The following NDUFAF2 variants were observed in gnomAD, a reference collection of about 807,000 sequenced individuals.
NDUFAF2 encodes the protein NADH:ubiquinone oxidoreductase complex assembly factor 2.
Under a neutral mutation model 22.8 loss-of-function variants are expected in NDUFAF2, and 13 were observed. The ratio of observed to expected loss-of-function variants is 0.57; its 90% CI spans 0.37 to 0.91. NDUFAF2 has a LOEUF of 0.91. Among genes scored for constraint, NDUFAF2 ranks in the 40% least tolerant of loss-of-function variants. The pLI is 0.01. For synonymous variants in NDUFAF2, 53 were observed against 64.2 expected (o/e 0.83, Z 0.84); for missense variants, 162 against 195.2 (o/e 0.83, Z 1.01).
At chr5:60,982,184 A>T (rs1326976376) in intron 1 of NDUFAF2, among the ~76,000 whole-genome samples, 2 of 152,200 alleles carry the variant, frequency 1.3e-5, no homozygotes, top group Admixed American at 6.5e-5. Flanking sequence ...ATCACTGATT[A>T]TATTAGTCTG....
chr5:60,980,314 G>A (rs1303533018), intron 1 of NDUFAF2, among the ~76,000 whole-genome samples: 1 of 152,128 alleles, frequency 6.6e-6, no homozygotes, highest in Non-Finnish European at 1.5e-5. Flanking sequence ...ACTAAATAAA[G>A]CACCAGTGAC....
At chr5:61,050,406 C>T (rs1752010879) in intron 1 of NDUFAF2, 1 of 152,096 alleles carries the variant, frequency 6.6e-6, no homozygotes, top group Non-Finnish European at 1.5e-5. Flanking sequence ...AATTTGAATA[C>T]TGTGCTGACT....
In NDUFAF2 at chr5:60,999,986, T is replaced by G. The variant is rs1561538493; in HGVS notation, c.127+54604T>G. ...AGAATTCCAGATTGAGAGAAATTTTTTTTGGTCTGGAATTTGCATAATGAC... is the reference window on the plus strand; with the variant it reads ...AGAATTCCAGATTGAGAGAAATTTTGTTTGGTCTGGAATTTGCATAATGAC... On this transcript the variant is annotated intron_variant, in intron 1 of 3. Coordinates refer to ENST00000296597, the MANE Select transcript of NDUFAF2 (RefSeq NM_174889.5). 2.0e-5 allele frequency among the ~76,000 whole-genome samples: 3 copies of G among 152,058 alleles called. No individual in the cohort carries two copies. In the South Asian group the frequency reaches 6.2e-4, roughly 31 times the overall value.
chr5:60,958,976 A>G (rs1315351314), intron 1 of NDUFAF2, among the ~76,000 whole-genome samples: 1 of 152,144 alleles, frequency 6.6e-6, no homozygotes, highest in Non-Finnish European at 1.5e-5. Flanking sequence ...AAGGATGAAT[A>G]TATCAAAACC....
At chr5:60,984,446 T>C (rs531513955) in intron 1 of NDUFAF2, among the ~76,000 whole-genome samples, 2 of 151,998 alleles carry the variant, frequency 1.3e-5, no homozygotes, top group South Asian at 2.1e-4. Context: ...TGAATAGGAG[T>C]GGTGAGAGAG....
In NDUFAF2 at chr5:60,950,779, C is replaced by G. The variant is rs182352969; in HGVS notation, c.127+5397C>G. Among the ~76,000 whole-genome samples the G allele has an allele frequency of 1.4e-3, 211 of 151,770 alleles. 2 individuals are homozygous for G. The highest frequency in any genetic ancestry group is 4.9e-4 in the Non-Finnish European group (33 of 67,952). On this transcript the variant is annotated intron_variant, in intron 1 of 3. Transcript: ENST00000296597. The stretch of plus-strand genomic sequence containing the variant: ...ATTGAATGGAAACTACTCAGATATT[C>G]CTGCTCCCCCAATGCAGTTTCTCCC...
At chr5:61,028,134 A>G (rs147709535) in intron 1 of NDUFAF2, among the ~76,000 whole-genome samples, 1,995 of 152,190 alleles carry the variant, frequency 0.013, 23 homozygotes, top group South Asian at 0.04. Flanking sequence ...CAACTACATA[A>G]TAACTTCCAG....
intron 1 of NDUFAF2, among the ~76,000 whole-genome samples, chr5:61,046,186 C>G (rs1475960707): frequency 6.6e-6 from 1 of 152,002 alleles, no homozygotes; most frequent in Non-Finnish European, 1.5e-5. Context: ...TGTGAATGAT[C>G]CTTTTAATAT....
At chr5:61,109,398 A>G (rs1357727679) in intron 3 of NDUFAF2, among the ~76,000 whole-genome samples, 1 of 152,218 alleles carries the variant, frequency 6.6e-6, no homozygotes, top group Non-Finnish European at 1.5e-5. Context: ...CCTACAAACA[A>G]GGATAATTTG....
In NDUFAF2 at chr5:60,963,459, A is replaced by G. The variant is rs142368267; in HGVS notation, c.127+18077A>G. Among the ~76,000 whole-genome samples, 122 of 152,270 alleles carry G rather than the reference A, an allele frequency of 8.0e-4. 3 individuals are homozygous for G. In the East Asian group the frequency reaches 0.018, roughly 22 times the overall value. On this transcript the variant is annotated intron_variant, in intron 1 of 3. Transcript: ENST00000296597. ...TCTCTCATCTAGAATTCATCTTTCC[A>G]TAAGTGTTGTACATTGTACTGCATT...
chr5:60,995,160 GTC>G (rs1468519268), intron 1 of NDUFAF2, among the ~76,000 whole-genome samples: 1 of 152,170 alleles, frequency 6.6e-6, no homozygotes, highest in Non-Finnish European at 1.5e-5. Flanking sequence ...AAGGTCACGT[GTC>G]TCTGTTTCTC....
chr5:60,984,608 G>C (rs1751042317), intron 1 of NDUFAF2, among the ~76,000 whole-genome samples: 1 of 152,084 alleles, frequency 6.6e-6, no homozygotes, highest in African/African-American at 2.4e-5. Context: ...TTAGCATGAA[G>C]GTTGTTGAAT....
At chr5:61,069,234 A>T in intron 1 of NDUFAF2, among the ~76,000 whole-genome samples, 1 of 151,898 alleles carries the variant, frequency 6.6e-6, no homozygotes, top group East Asian at 1.9e-4. Context: ...AATCAAGGGT[A>T]AATGTAATCC....
chr5:61,039,674 A>G (rs1330597707), intron 1 of NDUFAF2, among the ~76,000 whole-genome samples: 2 of 152,196 alleles, frequency 1.3e-5, no homozygotes, highest in Admixed American at 6.6e-5. Context: ...GTGGTGAGAT[A>G]GCCAGTCATT....
intron 3 of NDUFAF2, chr5:61,146,235 A>G (rs1266171193): frequency 6.6e-6 from 1 of 152,192 alleles, no homozygotes; most frequent in Non-Finnish European, 1.5e-5. Flanking sequence ...TGGTATTTTC[A>G]ATGGACAGTG....
chr5:61,100,110 T>G (rs1752688567), intron 3 of NDUFAF2, among the ~76,000 whole-genome samples: 1 of 119,204 alleles, frequency 8.4e-6, no homozygotes, highest in Admixed American at 9.5e-5. Context: ...AAATTTGGAA[T>G]AAAAGCTGTT....
intron 3 of NDUFAF2, among the ~76,000 whole-genome samples, chr5:61,145,112 A>T (rs1484931407): frequency 6.6e-6 from 1 of 152,200 alleles, no homozygotes; most frequent in Non-Finnish European, 1.5e-5. Context: ...TTTTTAAAAA[A>T]ACAAACTTTA....
At chr5:61,007,466 A>G (rs1751382506) in intron 1 of NDUFAF2, among the ~76,000 whole-genome samples, 1 of 152,198 alleles carries the variant, frequency 6.6e-6, no homozygotes, top group African/African-American at 2.4e-5. Flanking sequence ...GTGAAAACAA[A>G]CAACCCCATT....
chr5:61,114,387 T>A (rs1006061673), intron 3 of NDUFAF2: 4 of 152,228 alleles, frequency 2.6e-5, no homozygotes, highest in African/African-American at 9.6e-5. Flanking sequence ...TTTTTAATTA[T>A]TTTAATGTCC....
Sources: allele counts gnomAD v4.1 joint callset (sites outside exome capture counted in the v4.1 genomes callset), GRCh38; gene constraint gnomAD v4.1.1; transcripts MANE v1.5; gene names NCBI Gene and HGNC (gene_info 2026-07-23, HGNC 2026-07-21).